WNT7A: variants seen among roughly 807,000 people sequenced by gnomAD.
The protein encoded by WNT7A is Wnt family member 7A, also known as protein Wnt-7a.
In WNT7A, 16 loss-of-function variants were observed where a neutral mutation model predicts 28.2. The ratio of observed to expected loss-of-function variants is 0.57; its 90% CI spans 0.38 to 0.86. The LOEUF is 0.86. Ranked by LOEUF, WNT7A falls within the 40% of genes least tolerant of loss-of-function variation. The pLI is 0.00. For missense variants in WNT7A, 411 were observed against 489.7 expected (o/e 0.84, Z 1.52); for synonymous variants, 190 against 195.9 (o/e 0.97, Z 0.25).
chr3:13,834,672 C>A (rs1356300810), intron 3 of WNT7A, among the ~76,000 whole-genome samples: 1 of 152,138 alleles, frequency 6.6e-6, no homozygotes, highest in Non-Finnish European at 1.5e-5. Context: ...GTACTCTTCC[C>A]CACTCTCCAC....
chr3:13,860,178 G>C (rs1185677184), intron 2 of WNT7A, among the ~76,000 whole-genome samples: 1 of 152,142 alleles, frequency 6.6e-6, no homozygotes, highest in Non-Finnish European at 1.5e-5. Context: ...CCCCAGTGTA[G>C]ATGTCATTCC....
At chr3:13,821,555 C>T (rs539519828) in intron 3 of WNT7A, among the ~76,000 whole-genome samples, 7 of 152,308 alleles carry the variant, frequency 4.6e-5, no homozygotes, top group South Asian at 4.1e-4. Context: ...TAAACCACAG[C>T]GTGTGCATTT....
intron 3 of WNT7A, among the ~76,000 whole-genome samples, chr3:13,822,665 A>T (rs1280194144): frequency 6.6e-6 from 1 of 152,264 alleles, no homozygotes; most frequent in African/African-American, 2.4e-5. Flanking sequence ...GTGAATATAT[A>T]TTAAAAGCCA....
At chr3:13,869,794 G>T (rs1695002622) in intron 2 of WNT7A, among the ~76,000 whole-genome samples, 1 of 152,160 alleles carries the variant, frequency 6.6e-6, no homozygotes. Context: ...CCCCGCCCAA[G>T]GTAGCAGTTG....
intron 2 of WNT7A, among the ~76,000 whole-genome samples, chr3:13,868,778 GAGGAAGGAA>G (rs1694970359): frequency 1.2e-5 from 1 of 84,330 alleles, no homozygotes; most frequent in Non-Finnish European, 2.4e-5. Context: ...GAAGGGAAGG[GAGGAAGGAA>G]GGAAGGGAGA....
intron 3 of WNT7A, among the ~76,000 whole-genome samples, chr3:13,844,329 AC>A (rs1242597103): frequency 1.3e-5 from 2 of 152,200 alleles, no homozygotes; most frequent in Admixed American, 1.3e-4. Flanking sequence ...TTGGGATGGG[AC>A]CAGCACATGG....
At chr3:13,856,957 A>AAGAAGGAGAAGAAGAAGGAGAAGG (rs1553575192) in intron 2 of WNT7A, among the ~76,000 whole-genome samples, 1 of 105,700 alleles carries the variant, frequency 9.5e-6, no homozygotes. Context: ...GAAGAAGAAG[A>AAGAAGGAGAAGAAGAAGGAGAAGG]AGAAGAAGAA....
At chr3:13,867,027 C>A (rs1042425313) in intron 2 of WNT7A, among the ~76,000 whole-genome samples, 1 of 152,094 alleles carries the variant, frequency 6.6e-6, no homozygotes, top group African/African-American at 2.4e-5. Context: ...CTAAGAAAAT[C>A]TAGAGCATGG....
intron 2 of WNT7A, among the ~76,000 whole-genome samples, chr3:13,873,122 A>T (rs894890747): frequency 1.3e-5 from 2 of 152,140 alleles, no homozygotes; most frequent in East Asian, 1.9e-4. Context: ...CTGGAGTCTC[A>T]GTGTTGATGC....
At chr3:13,878,123 T>A (rs972072814) in intron 1 of WNT7A, among the ~76,000 whole-genome samples, 5 of 151,958 alleles carry the variant, frequency 3.3e-5, no homozygotes, top group South Asian at 2.1e-4. Flanking sequence ...CAGGACTCCC[T>A]CCCTCCCTCC....
chr3:13,879,303 C>A (rs1023505623), intron 1 of WNT7A, among the ~76,000 whole-genome samples: 7 of 152,242 alleles, frequency 4.6e-5, no homozygotes, highest in African/African-American at 1.7e-4. Context: ...TCTCTAGGAA[C>A]GGCTGTGCCG....
rs1694010496 is a variant in WNT7A, at chr3:13,816,743, A to G, written c.*2201T>C. The G allele has an allele frequency of 6.6e-6, 1 of 151,876 alleles. No homozygotes were observed. Among genetic ancestry groups the G allele is most frequent in the Non-Finnish European group, 1.5e-5 (1 of 67,930 alleles). 9.4% of individuals were successfully genotyped at this position (151,876 alleles called of 1,614,324 possible). Reference sequence around the variant, plus strand: ...TATTCATCCATTCATCCGCTCACTTATCAATCCATCCACCCATCTGTTTAT... The same window carrying G: ...TATTCATCCATTCATCCGCTCACTTGTCAATCCATCCACCCATCTGTTTAT... On this transcript the variant is annotated 3_prime_UTR_variant, in exon 4 of 4. Coordinates refer to ENST00000285018, the MANE Select transcript of WNT7A (RefSeq NM_004625.4).
intron 3 of WNT7A, among the ~76,000 whole-genome samples, chr3:13,819,890 T>C (rs58891321): frequency 0.011 from 1,654 of 152,208 alleles, 27 homozygotes; most frequent in African/African-American, 0.037. Flanking sequence ...TGGACTGGAG[T>C]TGGGCCATGA....
intron 2 of WNT7A, among the ~76,000 whole-genome samples, chr3:13,867,072 C>T (rs1038226698): frequency 2.6e-5 from 4 of 152,062 alleles, no homozygotes; most frequent in African/African-American, 7.2e-5. Context: ...TCATATGACA[C>T]GGGCACACAG....
At chr3:13,856,862 AGAG>A (rs1559303081) in intron 2 of WNT7A, among the ~76,000 whole-genome samples, 3 of 146,894 alleles carry the variant, frequency 2.0e-5, no homozygotes, top group Admixed American at 6.9e-5. Context: ...AAGAAGAGGA[AGAG>A]GAAGAGGAAG....
At chr3:13,865,306 T>C (rs1328942667) in intron 2 of WNT7A, among the ~76,000 whole-genome samples, 1 of 152,184 alleles carries the variant, frequency 6.6e-6, no homozygotes, top group Non-Finnish European at 1.5e-5. Context: ...CAAGGGAATG[T>C]CCTTTTCTCC....
At chr3:13,842,279 C>T (rs1412360266) in intron 3 of WNT7A, among the ~76,000 whole-genome samples, 4 of 151,528 alleles carry the variant, frequency 2.6e-5, no homozygotes, top group Non-Finnish European at 2.9e-5. Flanking sequence ...AGGGGACTGT[C>T]GTGCCACTGC....
intron 2 of WNT7A, among the ~76,000 whole-genome samples, chr3:13,874,397 A>G (rs1695071908): frequency 6.6e-6 from 1 of 152,182 alleles, no homozygotes; most frequent in Non-Finnish European, 1.5e-5. Flanking sequence ...CGCCATTCCC[A>G]TAAAACAGTT....
Position 13,879,811 on chromosome 3 carries a change from G to T in WNT7A, c.6C>A (p.Asn2Lys). Residue 2 changes from asparagine to lysine, a missense_variant, in exon 1 of 4, where the codon AAC becomes AAA. Physicochemically the swap from Asn to Lys is moderately conservative, Grantham distance 94. Transcript: ENST00000285018. M[N>K]RKARRCLGHL... is the part of the protein sequence containing the mutation. ...GGCCCAGGCAGCGCCGCGCTTTCCG[G>T]TTCATAGTCCCGATTGGCCGCCGGG... 1 of 1,611,668 alleles carries T rather than the reference G, an allele frequency of 6.2e-7. No homozygotes were observed. The highest frequency in any genetic ancestry group is 8.5e-7 in the Non-Finnish European group (1 of 1,178,916).
Sources: allele counts gnomAD v4.1 joint callset (sites outside exome capture counted in the v4.1 genomes callset), GRCh38; gene constraint gnomAD v4.1.1; transcripts MANE v1.5; gene names NCBI Gene and HGNC (gene_info 2026-07-23, HGNC 2026-07-21).